TJP3: variants seen among roughly 807,000 people sequenced by gnomAD.
TJP3 encodes tight junction protein 3.
TJP3 carries 85 observed loss-of-function variants against 104.2 expected under a neutral mutation model. The observed-to-expected ratio is 0.82, with a 90% CI of 0.68 to 0.98. TJP3 has a LOEUF of 0.98. Among genes scored for constraint, TJP3 ranks in the 50% least tolerant of loss-of-function variants. The probability of loss-of-function intolerance (pLI) is 0.00; values close to 1 mark genes in which losing one functional copy is unlikely to be tolerated. For missense variants in TJP3, 1,367 were observed against 1,322.8 expected, an observed-to-expected ratio of 1.03 and a Z score of -0.52; for synonymous variants, 550 against 550.6, an observed-to-expected ratio of 1.00 and a Z score of 0.02.
At chr19:3,729,377 G>C (rs1448268816) in intron 3 of TJP3, among the ~76,000 whole-genome samples, 1 of 152,180 alleles carries the variant, frequency 6.6e-6, no homozygotes, top group Non-Finnish European at 1.5e-5. Flanking sequence ...GGTTCAGAGA[G>C]AAAGAGCTAG....
intron 11 of TJP3, 65 bp from the exon 12 acceptor site, chr19:3,738,490 C>T (rs570918803): frequency 1.4e-6 from 2 of 1,431,988 alleles, no homozygotes; most frequent in African/African-American, 2.8e-5. Context: ...GAGGAAGGTC[C>T]AGGATCTCAT....
chr19:3,716,861 C>T (rs556831663), intron 1 of TJP3, among the ~76,000 whole-genome samples: 29 of 137,570 alleles, frequency 2.1e-4, no homozygotes, highest in Admixed American at 1.2e-3. Context: ...GACAGTGGCA[C>T]GATCTCGGCT....
rs191059537 is a variant in TJP3, at chr19:3,709,344, C to T, written c.-10+783C>T. Among the ~76,000 whole-genome samples, 98 of 152,258 alleles carry T rather than the reference C, an allele frequency of 6.4e-4. 2 individuals carry two copies. Among genetic ancestry groups the T allele is most frequent in the Admixed American group, 3.6e-3 (55 of 15,278 alleles). ...CTCCTGACCTCAGGTGATCCAACCC[C>T]CTCGGCCTCCCAAAGTGCTGGGATT... is the stretch of plus-strand genomic sequence containing the variant. On this transcript the variant is annotated intron_variant, in intron 1 of 20. Coordinates refer to ENST00000541714, the MANE Select transcript of TJP3 (RefSeq NM_001267560.2).
chr19:3,745,341 C>T (rs1215486443), intron 15 of TJP3, among the ~76,000 whole-genome samples: 5 of 151,780 alleles, frequency 3.3e-5, no homozygotes, highest in East Asian at 1.9e-4. Flanking sequence ...AGACAGGTTT[C>T]GCCGTTTGGC....
In TJP3 at chr19:3,750,642, C is replaced by T. The variant is rs764338583; in HGVS notation, c.2718C>T (p.Ser906=). ...KFMRVHDAES[S]DEDGYDWGPA... is the part of the protein sequence containing the mutation. ...TGCGAGTACATGATGCGGAGTCCTC[C>T]GATGAAGACGGCTATGACTGGGGTC... is the stretch of plus-strand genomic sequence containing the variant. Residue 906 remains serine, a synonymous_variant, in exon 21 of 21, where the codon TCC becomes TCT. Coordinates refer to ENST00000541714, the MANE Select transcript of TJP3 (RefSeq NM_001267560.2). The T allele has an allele frequency of 7.9e-5, 127 of 1,607,874 alleles. No homozygotes were observed. In the Admixed American group the frequency reaches 1.6e-3, roughly 21 times the overall value.
chr19:3,709,323 T>C (rs2036412492), intron 1 of TJP3, among the ~76,000 whole-genome samples: 1 of 152,156 alleles, frequency 6.6e-6, no homozygotes. Context: ...CTCGAACTCC[T>C]GACCTCAGGT....
At chr19:3,733,519 CCA>C (rs1341141382) in intron 6 of TJP3, among the ~76,000 whole-genome samples, 1 of 152,156 alleles carries the variant, frequency 6.6e-6, no homozygotes, top group East Asian at 1.9e-4. Context: ...CTCATTTTCC[CCA>C]GTGTCTCCCA....
rs2145696531 is a variant in TJP3, at chr19:3,740,538, C to T, written c.1632-14C>T. 2 of 1,439,140 alleles carry T rather than the reference C, an allele frequency of 1.4e-6. No homozygotes were observed. The highest frequency in any genetic ancestry group is 1.5e-5 in the South Asian group (1 of 66,582). 89.1% of individuals were successfully genotyped at this position (1,439,140 alleles called of 1,614,324 possible). A position where few individuals can be genotyped will look rare whatever the true frequency, so the allele number is the denominator to read the frequency against. ...CTGACCCCAGTGCTCAGTACTGTCC[C>T]CTCTTCTCCCCAGGGCGGAGCAGCT... On this transcript the variant is annotated splice_polypyrimidine_tract_variant and intron_variant, in intron 13 of 20. Transcript: ENST00000541714.
rs1213413151 is a variant in TJP3, at chr19:3,747,856, T to G, written c.2385T>G (p.Ala795=). 6.2e-7 allele frequency: 1 copy of G among 1,611,814 alleles called. No individual in the cohort carries two copies. The highest frequency in any genetic ancestry group is 8.5e-7 in the Non-Finnish European group (1 of 1,179,792). Residue 795 remains alanine (A), a synonymous_variant, in exon 19 of 21, where the codon GCT becomes GCG. Coordinates refer to ENST00000541714, the MANE Select transcript of TJP3 (RefSeq NM_001267560.2). The part of the protein sequence containing the change: ...LPHHGLADSS[A]DLSCDSRVNS... ...ACCACGGCCTGGCCGACAGCTCCGC[T>G]GACCTCAGCTGCGACAGCCGCGTTA... is the stretch of plus-strand genomic sequence containing the variant.
intron 18 of TJP3, among the ~76,000 whole-genome samples, chr19:3,747,589 A>AG (rs2036916165): frequency 6.6e-6 from 1 of 152,208 alleles, no homozygotes; most frequent in African/African-American, 2.4e-5. Context: ...TTTGGGGCTC[A>AG]GCTTGGATTT....
intron 1 of TJP3, among the ~76,000 whole-genome samples, chr19:3,719,732 CAAAA>C (rs34047272): frequency 3.7e-5 from 3 of 81,730 alleles, no homozygotes; most frequent in East Asian, 3.5e-4. Context: ...GACTCCGTCT[CAAAA>C]AAAAAAAAAA....
At chr19:3,713,752 C>T (rs922775896) in intron 1 of TJP3, among the ~76,000 whole-genome samples, 12 of 151,982 alleles carry the variant, frequency 7.9e-5, no homozygotes, top group South Asian at 6.2e-4. Context: ...CTCGCTCTGT[C>T]GCCCAGGCTC....
chr19:3,722,866 G>GGGCGGGC lies in TJP3; in HGVS notation c.-9-5555_-9-5554insGGGCGGC, dbSNP rs1555737734. 2.0e-5 allele frequency among the ~76,000 whole-genome samples: 2 copies of GGGCGGGC among 101,202 alleles called. 1 individual carries two copies. The highest frequency in any genetic ancestry group is 8.4e-4 in the South Asian group (2 of 2,382). The allele number at this position is 101,202 out of a possible 152,430, so 66.4% of individuals were successfully genotyped here. Reference sequence around the variant, plus strand: ...CTGGAGATGGGGTGGCGGGGGGGGGGGGCACAGGGGACGGCGGCCCGGGAG... The same window carrying GGGCGGGC: ...CTGGAGATGGGGTGGCGGGGGGGGGGGGCGGGCGGCACAGGGGACGGCGGCCCGGGAG... On this transcript the variant is annotated intron_variant, in intron 1 of 20. Transcript: ENST00000541714.
rs141380658 is a variant in TJP3 at position 3,733,798 on chromosome 19, C to T, written c.763C>T (p.Arg255Ter). The change falls in exon 7 of 21, where the codon CGA becomes TGA. Residue 255 changes from arginine (R) to a stop codon, truncating the protein, a stop_gained. Coordinates refer to ENST00000541714, the MANE Select transcript of TJP3 (RefSeq NM_001267560.2). LOFTEE classifies it high-confidence loss of function. The part of the protein sequence containing the change: ...SQNLSLNDTR[R>*]LIEKSEGKLS... ...GAACCTGTCACTGAACGACACCCGGCGACTGATTGAGAAGTCAGAAGGGAA... is the reference window on the plus strand; with the variant it reads ...GAACCTGTCACTGAACGACACCCGGTGACTGATTGAGAAGTCAGAAGGGAA... The T allele has an allele frequency of 8.7e-6, 14 of 1,614,052 alleles. No homozygotes were observed. Among genetic ancestry groups the T allele is most frequent in the African/African-American group, 4.0e-5 (3 of 74,928 alleles).
intron 15 of TJP3, among the ~76,000 whole-genome samples, 170 bp from the exon 16 acceptor site, chr19:3,745,841 G>A (rs1004086888): frequency 2.0e-5 from 3 of 152,210 alleles, no homozygotes; most frequent in African/African-American, 7.2e-5. Flanking sequence ...GGGGATGTGA[G>A]TGCAGTGCCT....
At chr19:3,731,858 A>G in intron 5 of TJP3, 77 bp from the exon 6 acceptor site, 1 of 1,245,364 alleles carries the variant, frequency 8.0e-7, no homozygotes, top group Non-Finnish European at 1.1e-6. Context: ...CCGCACCTGG[A>G]CTGCTTACAG....
chr19:3,732,515 T>C (rs1456853547), intron 6 of TJP3, among the ~76,000 whole-genome samples: 2 of 101,900 alleles, frequency 2.0e-5, no homozygotes, highest in Non-Finnish European at 4.7e-5. Context: ...TATCTGTTTC[T>C]TTTTTTTTTT....
At chr19:3,722,154 CG>C (rs1211274882) in intron 1 of TJP3, among the ~76,000 whole-genome samples, 1 of 152,192 alleles carries the variant, frequency 6.6e-6, no homozygotes, top group Non-Finnish European at 1.5e-5. Context: ...GCCCCAGGAC[CG>C]GCCTCCTTTA....
At chr19:3,728,824 G>GGGC in intron 3 of TJP3, 111 bp downstream of exon 3, 1 of 1,162,536 alleles carries the variant, frequency 8.6e-7, no homozygotes. Flanking sequence ...AGGCTGAAGT[G>GGGC]GGCGGATCAC....
Sources: gnomAD v4.1 joint callset for allele counts (sites outside exome capture counted in the v4.1 genomes callset) on GRCh38, gnomAD v4.1.1 for gene constraint, MANE v1.5 for transcripts, NCBI Gene and HGNC (gene_info 2026-07-23, HGNC 2026-07-21) for gene names.